Variants in WHRN observed in about 807,000 individuals in gnomAD.
WHRN encodes the protein whirlin.
A neutral mutation model predicts 68.3 loss-of-function variants in WHRN; 41 were observed. The ratio of observed to expected loss-of-function variants is 0.60; its 90% confidence interval spans 0.47 to 0.78. WHRN has a LOEUF of 0.78. Ranked by LOEUF, WHRN falls within the 30% of genes least tolerant of loss-of-function variation. The pLI, the probability that WHRN is intolerant of heterozygous loss-of-function variation, is 0.00. For missense variants in WHRN, 1,243 were observed against 1,244.7 expected (o/e 1.00, Z 0.02); for synonymous variants, 560 against 561.3 (o/e 1.00, Z 0.03).
chr9:114,483,332 G>A (rs1182517368), intron 1 of WHRN, among the ~76,000 whole-genome samples: 1 of 152,180 alleles, frequency 6.6e-6, no homozygotes, highest in Non-Finnish European at 1.5e-5. Flanking sequence ...CCACTAAAAT[G>A]TGTGTGGGTC....
chr9:114,491,632 G>A, intron 1 of WHRN: 1 of 232,080 alleles, frequency 4.3e-6, no homozygotes, highest in Non-Finnish European at 9.1e-6. Flanking sequence ...CTCGGTTAAG[G>A]GAAAGCACCA....
intron 1 of WHRN, 74 bp downstream of exon 1, chr9:114,504,110 G>A: frequency 3.1e-6 from 5 of 1,604,376 alleles, no homozygotes; most frequent in Non-Finnish European, 4.3e-6. Flanking sequence ...AGGACACACA[G>A]CATGGAGTTA....
At chr9:114,465,619 G>C (rs931249315) in intron 3 of WHRN, among the ~76,000 whole-genome samples, 2 of 152,190 alleles carry the variant, frequency 1.3e-5, no homozygotes, top group African/African-American at 4.8e-5. Flanking sequence ...TTGTCTCTCT[G>C]AGCAAGTTCC....
chr9:114,452,785 G>C (rs371069035), intron 3 of WHRN, among the ~76,000 whole-genome samples: 9 of 152,194 alleles, frequency 5.9e-5, no homozygotes, highest in East Asian at 5.8e-4. Flanking sequence ...CAGATGGCGG[G>C]AATCAGTCTA....
At chr9:114,496,244 GC>G (rs898299827) in intron 1 of WHRN, among the ~76,000 whole-genome samples, 1 of 152,180 alleles carries the variant, frequency 6.6e-6, no homozygotes, top group African/African-American at 2.4e-5. Flanking sequence ...TCTGGGTCAT[GC>G]AACTGTCTGG....
intron 3 of WHRN, among the ~76,000 whole-genome samples, chr9:114,442,967 C>T (rs1397360784): frequency 1.3e-5 from 2 of 152,068 alleles, no homozygotes; most frequent in Non-Finnish European, 2.9e-5. Flanking sequence ...CAAAAAAAAA[C>T]TTCTAGGTCC....
chr9:114,407,511 A>ACT (rs1835123686), intron 8 of WHRN, among the ~76,000 whole-genome samples: 1 of 151,854 alleles, frequency 6.6e-6, no homozygotes, highest in Admixed American at 6.6e-5. Context: ...TGTGACTACC[A>ACT]CTCCCCTCTG....
At chr9:114,490,078 C>T (rs565243931) in intron 1 of WHRN, among the ~76,000 whole-genome samples, 2 of 152,324 alleles carry the variant, frequency 1.3e-5, no homozygotes, top group Middle Eastern at 3.4e-3. Flanking sequence ...AGCCAGGACC[C>T]GCGACACAGC....
rs1839688851 is a variant in WHRN, at chr9:114,455,343, T to C, written c.963+10924A>G. Among the ~76,000 whole-genome samples, 3 of 152,014 alleles carry C rather than the reference T, an allele frequency of 2.0e-5. No individual in the cohort carries two copies. The South Asian group carries it at 6.2e-4, about 32-fold the overall frequency. On this transcript the variant is annotated intron_variant, in intron 3 of 11. Transcript: ENST00000362057. ...AGGTGATCCACTTCAGCCTCCCAAG[T>C]AGCCGGGACTATAGGCATGCACCAC...
At chr9:114,408,065 G>A in intron 7 of WHRN, 47 bp from the exon 8 acceptor site, 1 of 1,503,538 alleles carries the variant, frequency 6.7e-7, no homozygotes, top group Non-Finnish European at 9.1e-7. Context: ...AGCTGAGAAG[G>A]GAACACTGGT....
rs879755320 is a variant in WHRN at position 114,427,686 on chromosome 9, G to A, written c.964-1273C>T. On this transcript the variant is annotated intron_variant, in intron 3 of 11. Transcript: ENST00000362057. Reference sequence around the variant, plus strand: ...CCAAAACCCTGCTCCCCAGTTCCCCGGCTTTTCTTGAATGCCTCACCCCAG... The same window carrying A: ...CCAAAACCCTGCTCCCCAGTTCCCCAGCTTTTCTTGAATGCCTCACCCCAG... Among the ~76,000 whole-genome samples, 57 of 152,270 alleles carry A rather than the reference G, an allele frequency of 3.7e-4. 1 individual carries two copies. Among genetic ancestry groups the A allele is most frequent in the Admixed American group, 2.9e-3 (45 of 15,298 alleles).
At chr9:114,408,238 G>C (rs1215878289) in intron 7 of WHRN, among the ~76,000 whole-genome samples, 3 of 152,184 alleles carry the variant, frequency 2.0e-5, no homozygotes, top group African/African-American at 7.2e-5. Context: ...GGGACTTTCT[G>C]ATCATTTTCA....
chr9:114,487,084 A>G (rs1049371924), intron 1 of WHRN, among the ~76,000 whole-genome samples: 9 of 147,718 alleles, frequency 6.1e-5, no homozygotes, highest in Non-Finnish European at 8.9e-5. Flanking sequence ...AGTGAAAGAG[A>G]TAACAGAGGT....
intron 3 of WHRN, among the ~76,000 whole-genome samples, chr9:114,446,973 A>G (rs1389209303): frequency 7.5e-6 from 1 of 133,684 alleles, no homozygotes; most frequent in Non-Finnish European, 1.6e-5. Flanking sequence ...CCTGACCCCC[A>G]TGCTTCTATG....
intron 3 of WHRN, among the ~76,000 whole-genome samples, chr9:114,462,310 C>T (rs765829413): frequency 3.7e-4 from 56 of 152,270 alleles, no homozygotes; most frequent in Admixed American, 5.9e-4. Flanking sequence ...CCAATTTCCT[C>T]CACTCATTCA....
chr9:114,453,980 T>C (rs567052535), intron 3 of WHRN, among the ~76,000 whole-genome samples: 26 of 152,314 alleles, frequency 1.7e-4, no homozygotes, highest in Non-Finnish European at 3.8e-4. Flanking sequence ...CCAAGAGTGT[T>C]TATACAAGGA....
intron 3 of WHRN, among the ~76,000 whole-genome samples, chr9:114,437,220 G>C (rs1837935492): frequency 6.6e-6 from 1 of 152,102 alleles, no homozygotes; most frequent in Non-Finnish European, 1.5e-5. Context: ...TAGCTATTTA[G>C]AAAAAGATAA....
intron 2 of WHRN, among the ~76,000 whole-genome samples, chr9:114,472,120 C>T (rs1215651800): frequency 6.6e-6 from 1 of 152,248 alleles, no homozygotes; most frequent in Non-Finnish European, 1.5e-5. Context: ...CTGATAGCGC[C>T]ATCCAGGGCT....
intron 7 of WHRN, among the ~76,000 whole-genome samples, chr9:114,414,143 A>C (rs1364809373): frequency 2.0e-5 from 3 of 152,186 alleles, no homozygotes; most frequent in African/African-American, 7.2e-5. Flanking sequence ...CAGAAGCAAC[A>C]AAGCCTCAGA....
Sources: gnomAD v4.1 joint callset for allele counts (sites outside exome capture counted in the v4.1 genomes callset) on GRCh38, gnomAD v4.1.1 for gene constraint, MANE v1.5 for transcripts, NCBI Gene and HGNC (gene_info 2026-07-23, HGNC 2026-07-21) for gene names.